The following CLASP2 variants were observed in gnomAD, a reference collection of about 807,000 sequenced individuals.
CLASP2 encodes the protein CLIP-associating protein 2.
Under a neutral mutation model 194.4 loss-of-function variants are expected in CLASP2, and 47 were observed. The observed-to-expected ratio is 0.24, with a 90% CI of 0.19 to 0.31. The LOEUF is 0.31. Among genes scored for constraint, CLASP2 ranks in the 10% least tolerant of loss-of-function variants. The pLI is 1.00. For synonymous variants in CLASP2, 619 were observed against 633.5 expected, an observed-to-expected ratio of 0.98 and a Z score of 0.34; for missense variants, 1,445 against 1,823.6, an observed-to-expected ratio of 0.79 and a Z score of 3.78.
chr3:33,658,345 A>G (rs887791954), intron 7 of CLASP2, among the ~76,000 whole-genome samples: 4 of 152,184 alleles, frequency 2.6e-5, no homozygotes, highest in Non-Finnish European at 5.9e-5. Context: ...TATAATGCCT[A>G]ATAAGGCATT....
intron 30 of CLASP2, among the ~76,000 whole-genome samples, chr3:33,547,241 C>T (rs191487906): frequency 6.6e-6 from 1 of 152,214 alleles, no homozygotes; most frequent in East Asian, 1.9e-4. Context: ...CCACACTGTT[C>T]TTGTGGTAGT....
Position 33,538,679 on chromosome 3 carries a change from A to AGT in CLASP2, c.3558+109_3558+110insAC, listed in dbSNP as rs1373468022. On this transcript the variant is annotated intron_variant, in intron 33 of 38. Coordinates refer to ENST00000682230, the MANE Select transcript of CLASP2 (RefSeq NM_001365631.1). ...ATACTCAGTAAATACTTGTAGAGTG[A>AGT]CTGATCCCTAGAAAAGTATATTCAA... 1.5e-5 allele frequency: 13 copies of AGT among 881,700 alleles called. No homozygotes were observed. The African/African-American group carries it at 2.0e-4, about 14-fold the overall frequency. 54.6% of individuals were successfully genotyped at this position (881,700 alleles called of 1,614,324 possible).
intron 29 of CLASP2, among the ~76,000 whole-genome samples, chr3:33,552,061 C>T (rs1001502776): frequency 1.3e-5 from 2 of 150,712 alleles, no homozygotes; most frequent in African/African-American, 4.9e-5. Flanking sequence ...TATACAAGTA[C>T]CACTGAAGAA....
chr3:33,516,941 C>G, intron 35 of CLASP2, 40 bp downstream of exon 35: 1 of 1,526,056 alleles, frequency 6.6e-7, no homozygotes, highest in Non-Finnish European at 9.0e-7. Flanking sequence ...GTAAAAGAGA[C>G]AGGAAGGAAA....
At chr3:33,715,847 T>TAAAAAAAAA (rs59528446) in intron 1 of CLASP2, among the ~76,000 whole-genome samples, 2 of 62,136 alleles carry the variant, frequency 3.2e-5, no homozygotes, top group Non-Finnish European at 5.7e-5. Flanking sequence ...GTATCTTAAG[T>TAAAAAAAAA]AAAAAAAAAA....
chr3:33,655,335 G>A (rs910175446), intron 7 of CLASP2, among the ~76,000 whole-genome samples: 4 of 152,102 alleles, frequency 2.6e-5, no homozygotes, highest in Non-Finnish European at 5.9e-5. Flanking sequence ...TTTATTCAAA[G>A]GTACAGTATA....
chr3:33,594,920 T>C (rs1354790037), intron 20 of CLASP2, 31 bp downstream of exon 20: 8 of 1,254,018 alleles, frequency 6.4e-6, no homozygotes, highest in African/African-American at 1.5e-5. Context: ...GTAGATGTAT[T>C]TGTGTTACTA....
At chr3:33,635,794 G>A (rs1429221920) in intron 8 of CLASP2, among the ~76,000 whole-genome samples, 3 of 151,594 alleles carry the variant, frequency 2.0e-5, no homozygotes, top group Admixed American at 2.0e-4. Flanking sequence ...AAAATGATAG[G>A]CATCCAAACT....
chr3:33,631,406 T>A (rs1041969648), intron 9 of CLASP2, among the ~76,000 whole-genome samples: 1 of 152,228 alleles, frequency 6.6e-6, no homozygotes, highest in African/African-American at 2.4e-5. Flanking sequence ...TACAAAAATA[T>A]TCATTGCAGG....
chr3:33,637,468 A>C (rs2154299255), intron 8 of CLASP2, among the ~76,000 whole-genome samples: 1 of 152,316 alleles, frequency 6.6e-6, no homozygotes, highest in South Asian at 2.1e-4. Context: ...TGGGAGGTGC[A>C]GGTTGCAGTG....
At chr3:33,602,198 G>C (rs562334936) in intron 18 of CLASP2, among the ~76,000 whole-genome samples, 211 of 152,150 alleles carry the variant, frequency 1.4e-3, no homozygotes, top group African/African-American at 4.4e-3. Flanking sequence ...ATTTTTAGTA[G>C]AGATAGGGTT....
chr3:33,517,892 G>C (rs768534888), intron 34 of CLASP2, among the ~76,000 whole-genome samples: 8 of 152,138 alleles, frequency 5.3e-5, no homozygotes, highest in Non-Finnish European at 8.8e-5. Context: ...GGGCTCAAGT[G>C]ATCTACTGGC....
intron 21 of CLASP2, among the ~76,000 whole-genome samples, chr3:33,585,817 A>C (rs542015896): frequency 1.8e-4 from 28 of 152,158 alleles, no homozygotes; most frequent in African/African-American, 4.6e-4. Flanking sequence ...TTAAAAAAAA[A>C]CCCGGTAATT....
intron 14 of CLASP2, 117 bp downstream of exon 14, chr3:33,608,450 C>T (rs1327419882): frequency 1.3e-6 from 1 of 785,262 alleles, no homozygotes; most frequent in Non-Finnish European, 2.1e-6. Flanking sequence ...TAAAGGAAAA[C>T]CAGTACAAAT....
chr3:33,559,258 T>A, intron 29 of CLASP2, 49 bp downstream of exon 29: 4 of 1,086,550 alleles, frequency 3.7e-6, no homozygotes, highest in Non-Finnish European at 5.5e-6. Flanking sequence ...ACTTTATTAA[T>A]AAATACTTCA....
At chr3:33,706,157 A>T (rs899314755) in intron 1 of CLASP2, among the ~76,000 whole-genome samples, 3 of 152,146 alleles carry the variant, frequency 2.0e-5, no homozygotes, top group Non-Finnish European at 4.4e-5. Context: ...CTGAGGTGGA[A>T]GGATCACCTG....
chr3:33,510,110 T>C (rs945516351), intron 37 of CLASP2, among the ~76,000 whole-genome samples: 4 of 152,190 alleles, frequency 2.6e-5, no homozygotes, highest in African/African-American at 9.7e-5. Context: ...CTGAAAACAT[T>C]ATGCTAAGTG....
At position 33,627,933 on chromosome 3, in the gene CLASP2, G is replaced by C. The variant is rs377080426; in HGVS notation, c.943-853C>G. The stretch of plus-strand genomic sequence containing the variant: ...AGTAAATGAAAGAAAGCCAGAGTAA[G>C]GAATAAAAAGTATAAAGGGACTAGG... On this transcript the variant is annotated intron_variant, in intron 9 of 38. Transcript: ENST00000682230. Among the ~76,000 whole-genome samples, 13 of 152,118 alleles carry C rather than the reference G, an allele frequency of 8.5e-5. No homozygotes were observed. In the East Asian group the frequency reaches 2.3e-3, roughly 27 times the overall value.
intron 6 of CLASP2, among the ~76,000 whole-genome samples, chr3:33,675,824 C>T (rs2088496672): frequency 7.0e-6 from 1 of 143,046 alleles, no homozygotes. Context: ...GAGTGAACTC[C>T]CATTCACAAT....
Sources: allele counts gnomAD v4.1 joint callset (sites outside exome capture counted in the v4.1 genomes callset), GRCh38; gene constraint gnomAD v4.1.1; transcripts MANE v1.5; gene names NCBI Gene and HGNC (gene_info 2026-07-23, HGNC 2026-07-21).